Variants in TRIM54 observed in about 807,000 individuals in gnomAD.
The protein encoded by TRIM54 is tripartite motif containing 54.
In TRIM54, 40 loss-of-function variants were observed where a neutral mutation model predicts 42.0. That is an observed-to-expected ratio of 0.95 (90% CI 0.74 to 1.24). The LOEUF (loss-of-function observed/expected upper bound fraction) is 1.24. TRIM54 is among the 50% of genes most tolerant of loss of function. The pLI, the probability that TRIM54 is intolerant of heterozygous loss-of-function variation, is 0.00. For missense variants in TRIM54, 485 were observed against 480.3 expected, an observed-to-expected ratio of 1.01 and a Z score of -0.09; for synonymous variants, 199 against 194.9, an observed-to-expected ratio of 1.02 and a Z score of -0.17.
At chr2:27,295,995 T>A (rs1678857529) in intron 1 of TRIM54, among the ~76,000 whole-genome samples, 1 of 152,202 alleles carries the variant, frequency 6.6e-6, no homozygotes, top group Non-Finnish European at 1.5e-5. Context: ...TTGAATTATC[T>A]CAAACTAATC....
intron 5 of TRIM54, 125 bp downstream of exon 5, chr2:27,305,942 C>G (rs1278070340): frequency 1.0e-5 from 14 of 1,379,176 alleles, no homozygotes; most frequent in Non-Finnish European, 1.2e-5. Context: ...GCAAGTCACC[C>G]CCTCTGAGTT....
chr2:27,305,238 T>G (rs552519707), intron 4 of TRIM54, 184 bp downstream of exon 4: 4 of 609,542 alleles, frequency 6.6e-6, no homozygotes, highest in Non-Finnish European at 1.2e-5. Flanking sequence ...CCGCAAAACT[T>G]TAATCCAGTT....
intron 1 of TRIM54, among the ~76,000 whole-genome samples, chr2:27,292,740 G>A (rs1352311302): frequency 6.6e-6 from 1 of 151,634 alleles, no homozygotes; most frequent in Non-Finnish European, 1.5e-5. Context: ...TCCAGCAACT[G>A]GCAACCACCA....
chr2:27,290,060 C>T (rs571378932), intron 1 of TRIM54, among the ~76,000 whole-genome samples: 1 of 151,398 alleles, frequency 6.6e-6, no homozygotes, highest in Non-Finnish European at 1.5e-5. Context: ...TTAGTAGAGA[C>T]AGGGTCTCAT....
rs1407168924 is a variant in TRIM54, at chr2:27,305,695, G to T, written c.721G>T (p.Glu241Ter). The T allele has an allele frequency of 6.2e-7, 1 of 1,613,086 alleles. No individual in the cohort carries two copies. Among genetic ancestry groups the T allele is most frequent in the Non-Finnish European group, 8.5e-7 (1 of 1,179,704 alleles). Residue 241 changes from glutamate to a stop codon, truncating the protein, a stop_gained, in exon 5 of 9, where the codon GAG becomes TAG. Coordinates refer to ENST00000380075, the MANE Select transcript of TRIM54 (RefSeq NM_187841.3). LOFTEE classifies it high-confidence loss of function. ...GCAGGCGCTGGCCCGGGAGCAAGAG[G>T]AGAAGCTGCAGCGCGTCCGCGGCCT... ...LLQALAREQE[E>*]KLQRVRGLIR... is the part of the protein sequence containing the mutation.
rs770308554 is a variant in TRIM54 at position 27,282,923 on chromosome 2, G to T, written c.168+24G>T. 3.8e-6 allele frequency: 6 copies of T among 1,593,970 alleles called. No homozygotes were observed. In the East Asian group the frequency reaches 1.3e-4, roughly 36 times the overall value. On this transcript the variant is annotated intron_variant, in intron 1 of 8. Coordinates refer to ENST00000380075, the MANE Select transcript of TRIM54 (RefSeq NM_187841.3). ...AGGTGGGTGCCAGGGACGGGGCAGG[G>T]CCAGGTAAAGCAATGCAGACCTGTG... is the stretch of plus-strand genomic sequence containing the variant.
At chr2:27,290,744 G>A (rs536176987) in intron 1 of TRIM54, among the ~76,000 whole-genome samples, 77 of 152,268 alleles carry the variant, frequency 5.1e-4, no homozygotes, top group South Asian at 8.3e-4. Flanking sequence ...TGTGATTTCC[G>A]TTGGTGACAA....
intron 2 of TRIM54, among the ~76,000 whole-genome samples, chr2:27,299,018 C>A (rs975585555): frequency 2.6e-5 from 4 of 152,220 alleles, no homozygotes; most frequent in Non-Finnish European, 5.9e-5. Flanking sequence ...TCCTGTGGGA[C>A]TTCCCTGCCC....
intron 1 of TRIM54, among the ~76,000 whole-genome samples, chr2:27,291,415 A>T (rs887148961): frequency 2.6e-5 from 4 of 152,240 alleles, no homozygotes; most frequent in African/African-American, 4.8e-5. Context: ...CTTTATCCTT[A>T]TTCTATACAA....
At chr2:27,305,077 G>GT in intron 4 of TRIM54, 23 bp downstream of exon 4, 1 of 1,602,530 alleles carries the variant, frequency 6.2e-7, no homozygotes, top group African/African-American at 1.3e-5. Flanking sequence ...TGGAGGGAGG[G>GT]AGGAACAGCA....
chr2:27,291,977 G>A (rs1433344375), intron 1 of TRIM54, among the ~76,000 whole-genome samples: 3 of 152,096 alleles, frequency 2.0e-5, no homozygotes, highest in Non-Finnish European at 4.4e-5. Context: ...TCTCCCCACC[G>A]CCCTGCACCC....
At chr2:27,286,721 A>T (rs1030967862) in intron 1 of TRIM54, among the ~76,000 whole-genome samples, 1 of 152,218 alleles carries the variant, frequency 6.6e-6, no homozygotes, top group African/African-American at 2.4e-5. Flanking sequence ...AGGTCTGTCT[A>T]CAGAGGGACT....
chr2:27,305,900 T>C, intron 5 of TRIM54, 83 bp downstream of exon 5: 2 of 1,390,768 alleles, frequency 1.4e-6, no homozygotes, highest in Non-Finnish European at 2.0e-6. Flanking sequence ...TCAAGTCTTG[T>C]CTCTTGCACC....
chr2:27,287,540 C>T (rs62130710), intron 1 of TRIM54, among the ~76,000 whole-genome samples: 1 of 150,514 alleles, frequency 6.6e-6, no homozygotes, highest in Non-Finnish European at 1.5e-5. Flanking sequence ...TTTTTTTTCC[C>T]AGAGACAGGG....
chr2:27,299,234 C>A lies in TRIM54; in HGVS notation c.342-11C>A, dbSNP rs1393997609. 1.2e-6 allele frequency: 2 copies of A among 1,613,458 alleles called. No individual in the cohort carries two copies. The highest frequency in any genetic ancestry group is 2.2e-5 in the East Asian group (1 of 44,886). On this transcript the variant is annotated splice_polypyrimidine_tract_variant and intron_variant, in intron 2 of 8. Transcript: ENST00000380075. Reference sequence around the variant, plus strand: ...CTTAAGGTCCACCTCCCCCTGCCCACTCCTCTCTAGGCCGCTGCACTCCAA... The same window carrying A: ...CTTAAGGTCCACCTCCCCCTGCCCAATCCTCTCTAGGCCGCTGCACTCCAA...
At chr2:27,283,830 C>T (rs1177182964) in intron 1 of TRIM54, among the ~76,000 whole-genome samples, 2 of 126,626 alleles carry the variant, frequency 1.6e-5, no homozygotes, top group Non-Finnish European at 3.5e-5. Flanking sequence ...ACGGCCTTGC[C>T]GTTAAGTAAA....
chr2:27,300,254 C>A (rs1452060820), intron 3 of TRIM54, among the ~76,000 whole-genome samples: 1 of 152,164 alleles, frequency 6.6e-6, no homozygotes, highest in Non-Finnish European at 1.5e-5. Context: ...TCACTGTAAC[C>A]TCTGCCTCGC....
intron 1 of TRIM54, among the ~76,000 whole-genome samples, chr2:27,283,784 G>GCGCACACA (rs367621533): frequency 0.025 from 3,302 of 132,148 alleles, 56 homozygotes; most frequent in South Asian, 0.047. Context: ...ACACACGCGC[G>GCGCACACA]CACACACACA....
intron 1 of TRIM54, among the ~76,000 whole-genome samples, chr2:27,295,393 A>C (rs1243750898): frequency 1.3e-5 from 2 of 151,724 alleles, no homozygotes; most frequent in African/African-American, 2.4e-5. Context: ...TGCAGCCTCC[A>C]CCTCCCGGGT....
Sources: allele counts gnomAD v4.1 joint callset (sites outside exome capture counted in the v4.1 genomes callset), GRCh38; gene constraint gnomAD v4.1.1; transcripts MANE v1.5; gene names NCBI Gene and HGNC (gene_info 2026-07-23, HGNC 2026-07-21).